Variants in LMLN observed in about 807,000 individuals in gnomAD.
LMLN encodes the protein leishmanolysin like peptidase.
LMLN carries 70 observed loss-of-function variants against 92.3 expected under a neutral mutation model. That is an observed-to-expected ratio of 0.76 (90% CI 0.63 to 0.92). The LOEUF (loss-of-function observed/expected upper bound fraction) is 0.92. Among genes scored for constraint, LMLN ranks in the 40% least tolerant of loss-of-function variants. The pLI is 0.00. For missense variants in LMLN, 691 were observed against 814.6 expected (o/e 0.85, Z 1.85); for synonymous variants, 308 against 296.2 (o/e 1.04, Z -0.41).
At chr3:198,012,710 CT>C (rs1340948319) in intron 11 of LMLN, among the ~76,000 whole-genome samples, 1 of 151,420 alleles carries the variant, frequency 6.6e-6, no homozygotes, top group Non-Finnish European at 1.5e-5. Context: ...CCTAACTAGT[CT>C]GCCTTCTCTG....
At chr3:197,965,181 A>G (rs907237813) in intron 1 of LMLN, among the ~76,000 whole-genome samples, 1 of 151,888 alleles carries the variant, frequency 6.6e-6, no homozygotes, top group Non-Finnish European at 1.5e-5. Context: ...CACCTGGCAC[A>G]TTTTTTATTT....
chr3:198,038,284 A>G (rs1358994789), intron 15 of LMLN: 1 of 344,234 alleles, frequency 2.9e-6, no homozygotes, highest in African/African-American at 2.1e-5. Flanking sequence ...AGAATAACCA[A>G]GATCTTTATC....
chr3:198,035,517 C>T (rs1271464457), intron 14 of LMLN, among the ~76,000 whole-genome samples: 2 of 151,754 alleles, frequency 1.3e-5, no homozygotes, highest in Non-Finnish European at 2.9e-5. Flanking sequence ...TGCATGACAC[C>T]ACGCCCAGCT....
chr3:198,015,172 C>T (rs1381939384), intron 11 of LMLN, among the ~76,000 whole-genome samples: 4 of 137,082 alleles, frequency 2.9e-5, no homozygotes, highest in African/African-American at 8.9e-5. Flanking sequence ...CTCCACCCTT[C>T]AGAGCCCCCT....
intron 1 of LMLN, among the ~76,000 whole-genome samples, chr3:197,970,511 A>G (rs1721193462): frequency 6.6e-6 from 1 of 152,222 alleles, no homozygotes; most frequent in African/African-American, 2.4e-5. Flanking sequence ...TTCAGCAGTG[A>G]GTTGTGACAG....
At chr3:197,976,134 C>T (rs1221113229) in intron 4 of LMLN, 23 bp downstream of exon 4, 1 of 1,463,120 alleles carries the variant, frequency 6.8e-7, no homozygotes, top group Non-Finnish European at 9.5e-7. Context: ...AAACACAGAT[C>T]ATTTTCTTCA....
chr3:198,009,593 G>A (rs2109914841), intron 11 of LMLN, among the ~76,000 whole-genome samples: 1 of 152,128 alleles, frequency 6.6e-6, no homozygotes, highest in African/African-American at 2.4e-5. Flanking sequence ...GAAACATCTG[G>A]GCCTGGAGAT....
chr3:198,038,901 CTCG>C (rs879846074), exon 16 of LMLN: 19,653 of 289,380 alleles, frequency 0.068, 801 homozygotes, highest in African/African-American at 0.32. Flanking sequence ...ACCCAACCAC[CTCG>C]TCAGCAACCC....
intron 1 of LMLN, 37 bp from the exon 2 acceptor site, chr3:197,974,340 T>C: frequency 9.4e-7 from 1 of 1,069,296 alleles, no homozygotes; most frequent in South Asian, 1.4e-5. Flanking sequence ...TTAATCTGTA[T>C]GTCTTAAACA....
intron 9 of LMLN, among the ~76,000 whole-genome samples, chr3:197,994,265 A>G (rs529618564): frequency 2.0e-5 from 3 of 152,302 alleles, no homozygotes; most frequent in African/African-American, 7.2e-5. Flanking sequence ...AAACAGACAA[A>G]TGGGATTACA....
chr3:198,005,933 A>G (rs1378747586), intron 11 of LMLN, among the ~76,000 whole-genome samples: 1 of 152,166 alleles, frequency 6.6e-6, no homozygotes, highest in Non-Finnish European at 1.5e-5. Context: ...CCTGGCCAAC[A>G]TAGTGAAACC....
At chr3:197,964,515 CA>C (rs1720996610) in intron 1 of LMLN, among the ~76,000 whole-genome samples, 1 of 151,544 alleles carries the variant, frequency 6.6e-6, no homozygotes, top group African/African-American at 2.4e-5. Context: ...TACCCTGCCT[CA>C]GCCTCCTGAG....
chr3:198,003,068 T>A, intron 11 of LMLN: 1 of 1,551,626 alleles, frequency 6.4e-7, no homozygotes, highest in Non-Finnish European at 8.7e-7. Flanking sequence ...GGCCGAGGAA[T>A]GGGCTGTGAC....
intron 12 of LMLN, among the ~76,000 whole-genome samples, chr3:198,020,743 G>T (rs557927490): frequency 1.4e-5 from 2 of 141,082 alleles, no homozygotes. Context: ...ACAGGTGTGC[G>T]CCACCACACC....
intron 11 of LMLN, among the ~76,000 whole-genome samples, chr3:198,015,044 G>A (rs1385753953): frequency 6.8e-6 from 1 of 148,122 alleles, no homozygotes. Flanking sequence ...TAACTAGTCT[G>A]ACTTCTCTCC....
In LMLN at chr3:197,990,741, T is replaced by A. The variant is rs941111727; in HGVS notation, c.1047+65T>A. On this transcript the variant is annotated intron_variant, in intron 9 of 15. Coordinates refer to ENST00000330198, the Ensembl canonical transcript of LMLN. ...TCTTTTCCTTTACTGTGGTCCTTTC[T>A]TTACTCATCATTATTGTTTAAGAAC... 1.6e-5 allele frequency: 12 copies of A among 761,524 alleles called. No individual in the cohort carries two copies. In the African/African-American group the frequency reaches 1.8e-4, roughly 11 times the overall value. The allele number at this position is 761,524 out of a possible 1,614,324, so 47.2% of individuals were successfully genotyped here.
At chr3:197,961,512 G>A in intron 1 of LMLN, among the ~76,000 whole-genome samples, 1 of 151,934 alleles carries the variant, frequency 6.6e-6, no homozygotes, top group South Asian at 2.1e-4. Flanking sequence ...CTGCATTTTC[G>A]CTGAATTCTT....
At chr3:197,975,652 A>G (rs568240631) in intron 3 of LMLN, among the ~76,000 whole-genome samples, 208 of 152,382 alleles carry the variant, frequency 1.4e-3, no homozygotes, top group African/African-American at 4.9e-3. Flanking sequence ...AAGTTAGTCC[A>G]TCATTCATAG....
chr3:198,006,781 T>C (rs1722305996), intron 11 of LMLN, among the ~76,000 whole-genome samples: 1 of 152,072 alleles, frequency 6.6e-6, no homozygotes, highest in Admixed American at 6.6e-5. Context: ...GGCGCGATCT[T>C]GGCTCACTGT....
Sources: gnomAD v4.1 joint callset for allele counts (sites outside exome capture counted in the v4.1 genomes callset) on GRCh38, gnomAD v4.1.1 for gene constraint, MANE v1.5 for transcripts, NCBI Gene and HGNC (gene_info 2026-07-23, HGNC 2026-07-21) for gene names.